The following ANKRD17 variants were observed in gnomAD, a reference collection of about 807,000 sequenced individuals.
ANKRD17 encodes the protein ankyrin repeat domain-containing protein 17.
In ANKRD17, 19 loss-of-function variants were observed where a neutral mutation model predicts 229.7. The ratio of observed to expected loss-of-function variants is 0.08; its 90% CI spans 0.06 to 0.12. The LOEUF (loss-of-function observed/expected upper bound fraction) is 0.12. ANKRD17 is among the 10% of genes least tolerant of loss of function. The pLI, the probability that ANKRD17 is intolerant of heterozygous loss-of-function variation, is 1.00. For missense variants in ANKRD17, 2,176 were observed against 3,176.8 expected (o/e 0.68, Z 7.57); for synonymous variants, 1,112 against 1,146.1 (o/e 0.97, Z 0.60).
chr4:73,205,511 A>C (rs1035907069), intron 1 of ANKRD17, among the ~76,000 whole-genome samples: 4 of 152,180 alleles, frequency 2.6e-5, no homozygotes, highest in Non-Finnish European at 5.9e-5. Flanking sequence ...AATTTCAATA[A>C]GTAGTGCTGG....
In ANKRD17 at chr4:73,087,742, G is replaced by A. The variant is rs181987648; in HGVS notation, c.6962-2296C>T. Among the ~76,000 whole-genome samples, 7 of 152,322 alleles carry A rather than the reference G, an allele frequency of 4.6e-5. No individual in the cohort carries two copies. In the East Asian group the frequency reaches 1.3e-3, roughly 29 times the overall value. ...TGGGTGCAGTAATAGTGGCATAGCT[G>A]TGAAGGCAAACATTGTGAAGATCCA... On this transcript the variant is annotated intron_variant, in intron 29 of 33. Coordinates refer to ENST00000358602, the MANE Select transcript of ANKRD17 (RefSeq NM_032217.5).
intron 1 of ANKRD17, among the ~76,000 whole-genome samples, chr4:73,227,728 TGAAA>T (rs1447066048): frequency 4.6e-5 from 7 of 152,078 alleles, no homozygotes; most frequent in Admixed American, 2.6e-4. Flanking sequence ...CTAGATTGAA[TGAAA>T]GAATCTTCCA....
chr4:73,136,774 C>T (rs975188637), intron 15 of ANKRD17, among the ~76,000 whole-genome samples: 4 of 151,994 alleles, frequency 2.6e-5, no homozygotes, highest in Non-Finnish European at 5.9e-5. Context: ...GATTCCATAT[C>T]TCCTTTGATT....
chr4:73,257,234 G>A (rs1435657170), intron 1 of ANKRD17, among the ~76,000 whole-genome samples: 2 of 152,158 alleles, frequency 1.3e-5, no homozygotes, highest in Non-Finnish European at 2.9e-5. Flanking sequence ...CAAGAGAGTG[G>A]TAAAACAGCT....
intron 2 of ANKRD17, among the ~76,000 whole-genome samples, chr4:73,168,692 G>A (rs1037659562): frequency 2.6e-5 from 4 of 152,176 alleles, no homozygotes; most frequent in African/African-American, 4.8e-5. Context: ...GAAATATAGC[G>A]TTAGCCAGCC....
At chr4:73,205,706 A>G (rs1259253552) in intron 1 of ANKRD17, among the ~76,000 whole-genome samples, 1 of 152,270 alleles carries the variant, frequency 6.6e-6, no homozygotes, top group Non-Finnish European at 1.5e-5. Flanking sequence ...TATGACTCCA[A>G]AAGCTCAAAT....
chr4:73,193,908 G>T (rs1213369381), intron 1 of ANKRD17, among the ~76,000 whole-genome samples: 1 of 151,968 alleles, frequency 6.6e-6, no homozygotes. Context: ...CTCTAGCCTG[G>T]GTGACAGAGT....
chr4:73,192,854 G>A (rs550400125), intron 1 of ANKRD17, among the ~76,000 whole-genome samples: 48 of 152,168 alleles, frequency 3.2e-4, no homozygotes, highest in East Asian at 2.5e-3. Context: ...GCAACTGCTC[G>A]TTTTCTCAAG....
rs1406642963 is a variant in ANKRD17 at position 73,223,828 on chromosome 4, AAGTGAGTGAGTGAC to A, written c.393+34434_393+34447del. Among the ~76,000 whole-genome samples the A allele has an allele frequency of 4.6e-5, 7 of 152,338 alleles. No homozygotes were observed. The East Asian group carries it at 1.3e-3, about 29-fold the overall frequency. ...AATCTGGATCATCAAACAGCAAATA[AAGTGAGTGAGTGAC>A]AGTGGAGCCAATATATATTATATTC... On this transcript the variant is annotated intron_variant, in intron 1 of 33. Coordinates refer to ENST00000358602, the MANE Select transcript of ANKRD17 (RefSeq NM_032217.5).
At chr4:73,178,576 CACT>C (rs1735042131) in intron 1 of ANKRD17, among the ~76,000 whole-genome samples, 1 of 151,846 alleles carries the variant, frequency 6.6e-6, no homozygotes, top group Non-Finnish European at 1.5e-5. Context: ...TTTTACCCAC[CACT>C]GTTTTTGCAC....
chr4:73,081,238 G>A (rs1235485942), intron 30 of ANKRD17, among the ~76,000 whole-genome samples: 1 of 152,176 alleles, frequency 6.6e-6, no homozygotes, highest in African/African-American at 2.4e-5. Flanking sequence ...AATTAATTAT[G>A]AAGTTGAACC....
chr4:73,226,264 C>T (rs1477905415), intron 1 of ANKRD17, among the ~76,000 whole-genome samples: 25 of 151,888 alleles, frequency 1.6e-4, no homozygotes, highest in African/African-American at 5.8e-4. Flanking sequence ...CGTGAGCCAC[C>T]GCGCCCGCCA....
At chr4:73,175,334 G>T (rs1234755876) in intron 2 of ANKRD17, among the ~76,000 whole-genome samples, 2 of 152,058 alleles carry the variant, frequency 1.3e-5, no homozygotes, top group Admixed American at 1.3e-4. Flanking sequence ...CAGCATGGGG[G>T]AAACTGTCCC....
intron 19 of ANKRD17, 102 bp from the exon 20 acceptor site, chr4:73,121,196 G>A: frequency 9.3e-7 from 1 of 1,071,912 alleles, no homozygotes; most frequent in South Asian, 1.3e-5. Context: ...TATTTTGAAG[G>A]ATTGTTTAAA....
At chr4:73,125,859 G>A (rs551292902) in intron 16 of ANKRD17, among the ~76,000 whole-genome samples, 1 of 152,114 alleles carries the variant, frequency 6.6e-6, no homozygotes, top group South Asian at 2.1e-4. Flanking sequence ...TTTCAATCAC[G>A]TGATTGAAAG....
At chr4:73,214,080 C>A (rs953137147) in intron 1 of ANKRD17, among the ~76,000 whole-genome samples, 2 of 152,186 alleles carry the variant, frequency 1.3e-5, no homozygotes, top group Non-Finnish European at 2.9e-5. Flanking sequence ...AATCCTCAAA[C>A]TCCTGACTTC....
intron 1 of ANKRD17, among the ~76,000 whole-genome samples, chr4:73,250,026 T>C (rs1744845052): frequency 6.6e-6 from 1 of 152,184 alleles, no homozygotes; most frequent in African/African-American, 2.4e-5. Flanking sequence ...GCCAAAAATA[T>C]ACATAATCTA....
chr4:73,123,416 A>G (rs1727013319), intron 18 of ANKRD17, among the ~76,000 whole-genome samples: 1 of 152,050 alleles, frequency 6.6e-6, no homozygotes, highest in South Asian at 2.1e-4. Context: ...CCCTACTATG[A>G]ATTATAGAAG....
chr4:73,234,615 G>A lies in ANKRD17; in HGVS notation c.393+23661C>T, dbSNP rs1743343199. On this transcript the variant is annotated intron_variant, in intron 1 of 33. Transcript: ENST00000358602. The stretch of plus-strand genomic sequence containing the variant: ...GCAGGTAGGGCACGCGTATACGCAG[G>A]TACCCCAAAAAGGTACCTGGATAGG... 2.0e-5 allele frequency among the ~76,000 whole-genome samples: 3 copies of A among 152,188 alleles called. No individual in the cohort carries two copies. In the South Asian group the frequency reaches 6.2e-4, roughly 31 times the overall value.
Sources: gnomAD v4.1 joint callset for allele counts (sites outside exome capture counted in the v4.1 genomes callset) on GRCh38, gnomAD v4.1.1 for gene constraint, MANE v1.5 for transcripts, NCBI Gene and HGNC (gene_info 2026-07-23, HGNC 2026-07-21) for gene names.